The following EDIL3 variants were observed in gnomAD, a reference collection of about 807,000 sequenced individuals.
EDIL3 encodes the protein EGF-like repeat and discoidin I-like domain-containing protein 3.
Under a neutral mutation model 67.4 loss-of-function variants are expected in EDIL3, and 37 were observed. That is an observed-to-expected ratio of 0.55 (90% confidence interval 0.42 to 0.72). The LOEUF is 0.72. Ranked by LOEUF, EDIL3 falls within the 30% of genes least tolerant of loss-of-function variation. EDIL3 has a pLI of 0.00. For synonymous variants in EDIL3, 195 were observed against 196.3 expected, an observed-to-expected ratio of 0.99 and a Z score of 0.05; for missense variants, 527 against 586.3, an observed-to-expected ratio of 0.90 and a Z score of 1.04.
chr5:84,093,384 A>G (rs190330349), intron 6 of EDIL3, among the ~76,000 whole-genome samples: 2 of 152,276 alleles, frequency 1.3e-5, no homozygotes, highest in Non-Finnish European at 2.9e-5. Context: ...TGATTTTGAT[A>G]TATAGTTGAC....
intron 9 of EDIL3, among the ~76,000 whole-genome samples, chr5:84,022,129 C>A (rs925000512): frequency 5.9e-5 from 9 of 151,584 alleles, no homozygotes; most frequent in African/African-American, 2.2e-4. Flanking sequence ...ACTATAGGCC[C>A]AAATTCATGA....
intron 9 of EDIL3, chr5:84,048,203 C>G: frequency 2.4e-6 from 1 of 423,854 alleles, no homozygotes; most frequent in Non-Finnish European, 4.6e-6. Context: ...TCAGAATAAT[C>G]CTTCATATTG....
chr5:84,299,326 A>G (rs1746110150), intron 1 of EDIL3, among the ~76,000 whole-genome samples: 1 of 145,754 alleles, frequency 6.9e-6, no homozygotes, highest in Admixed American at 6.9e-5. Flanking sequence ...CTCTTTTAGG[A>G]CTCTCAGCAT....
At chr5:84,095,458 T>C (rs1189607764) in intron 6 of EDIL3, among the ~76,000 whole-genome samples, 1 of 152,172 alleles carries the variant, frequency 6.6e-6, no homozygotes. Context: ...GCTGAGGTGG[T>C]CTCAGATGGA....
chr5:84,171,117 C>A (rs1241891116), intron 4 of EDIL3, among the ~76,000 whole-genome samples: 1 of 151,818 alleles, frequency 6.6e-6, no homozygotes, highest in African/African-American at 2.4e-5. Flanking sequence ...GAAGTTCAGG[C>A]CTATTAATAT....
At chr5:84,313,834 A>G (rs1746456481) in intron 1 of EDIL3, among the ~76,000 whole-genome samples, 1 of 152,212 alleles carries the variant, frequency 6.6e-6, no homozygotes, top group African/African-American at 2.4e-5. Flanking sequence ...GAAGAGATCC[A>G]CATACTAAAG....
intron 1 of EDIL3, among the ~76,000 whole-genome samples, chr5:84,351,753 A>C (rs1747365516): frequency 6.6e-6 from 1 of 152,138 alleles, no homozygotes. Flanking sequence ...ATTTAGTAAA[A>C]TTTATGGAAA....
At chr5:84,359,175 A>C (rs1014111840) in intron 1 of EDIL3, among the ~76,000 whole-genome samples, 1 of 152,218 alleles carries the variant, frequency 6.6e-6, no homozygotes, top group African/African-American at 2.4e-5. Flanking sequence ...AATGTTTTAA[A>C]TGAACCATTT....
chr5:84,050,899 C>G (rs996059774), intron 9 of EDIL3, among the ~76,000 whole-genome samples: 1 of 152,122 alleles, frequency 6.6e-6, no homozygotes, highest in Non-Finnish European at 1.5e-5. Context: ...AGGGCATAGC[C>G]GAACAAAAGG....
chr5:84,356,509 T>C (rs1452786988), intron 1 of EDIL3, among the ~76,000 whole-genome samples: 1 of 152,236 alleles, frequency 6.6e-6, no homozygotes, highest in African/African-American at 2.4e-5. Flanking sequence ...ACGATCACTC[T>C]GACTCTTCTT....
intron 1 of EDIL3, among the ~76,000 whole-genome samples, chr5:84,284,432 G>T (rs967356283): frequency 6.6e-6 from 1 of 151,894 alleles, no homozygotes; most frequent in African/African-American, 2.4e-5. Flanking sequence ...GGTCCCCTGT[G>T]CCTCCAGACC....
At position 84,076,664 on chromosome 5, in the gene EDIL3, T is replaced by C. The variant is rs998630186; in HGVS notation, c.652-10058A>G. Among the ~76,000 whole-genome samples the C allele has an allele frequency of 3.9e-5, 6 of 152,336 alleles. No individual in the cohort carries two copies. The South Asian group carries it at 6.2e-4, about 16-fold the overall frequency. The stretch of plus-strand genomic sequence containing the variant: ...TTATTGGAATGTATGAAACTCACAT[T>C]GATAGTTACAAGTTTTCCAAAATTA... On this transcript the variant is annotated intron_variant, in intron 6 of 10. Transcript: ENST00000296591.
Position 84,208,721 on chromosome 5 carries a change from AAC to A in EDIL3, c.226+21132_226+21133del, listed in dbSNP as rs1262530082. ...AAAAAAAAAAAAAAAAAAGTCAGGA[AAC>A]AACAGGTGCTAGAGAGGATGTGGAG... On this transcript the variant is annotated intron_variant, in intron 3 of 10. Transcript: ENST00000296591. 4.3e-4 allele frequency among the ~76,000 whole-genome samples: 65 copies of A among 150,460 alleles called. 2 individuals are homozygous for A. The East Asian group carries it at 0.012, about 28-fold the overall frequency.
At chr5:84,052,257 G>C (rs1259073694) in intron 9 of EDIL3, among the ~76,000 whole-genome samples, 2 of 152,200 alleles carry the variant, frequency 1.3e-5, no homozygotes, top group African/African-American at 4.8e-5. Context: ...ACAAGCAAAT[G>C]CTGAGAGATT....
intron 9 of EDIL3, among the ~76,000 whole-genome samples, chr5:84,009,820 C>T (rs1168282424): frequency 6.6e-6 from 1 of 152,122 alleles, no homozygotes; most frequent in East Asian, 1.9e-4. Context: ...GAACTTTCCA[C>T]AGACCAGGCA....
At chr5:84,364,171 G>T (rs1346772523) in intron 1 of EDIL3, among the ~76,000 whole-genome samples, 1 of 152,128 alleles carries the variant, frequency 6.6e-6, no homozygotes, top group Non-Finnish European at 1.5e-5. Context: ...GACAATGTAA[G>T]GCAGTTTTCA....
chr5:84,300,525 T>A (rs1392083502), intron 1 of EDIL3, among the ~76,000 whole-genome samples: 1 of 152,212 alleles, frequency 6.6e-6, no homozygotes, highest in African/African-American at 2.4e-5. Flanking sequence ...ATCTTATCTA[T>A]AAAAATGTTT....
chr5:84,295,504 T>C (rs1313619591), intron 1 of EDIL3, among the ~76,000 whole-genome samples: 1 of 152,084 alleles, frequency 6.6e-6, no homozygotes, highest in East Asian at 1.9e-4. Flanking sequence ...ATTTTTTGAA[T>C]ATTCAACAAG....
intron 5 of EDIL3, among the ~76,000 whole-genome samples, chr5:84,119,212 GTTTTTTTTTT>G (rs66522256): frequency 1.1e-4 from 9 of 82,330 alleles, no homozygotes; most frequent in East Asian, 3.9e-4. Flanking sequence ...CATGCATTTG[GTTTTTTTTTT>G]TTTTTTTTTT....
Sources: allele counts gnomAD v4.1 joint callset (sites outside exome capture counted in the v4.1 genomes callset), GRCh38; gene constraint gnomAD v4.1.1; transcripts MANE v1.5; gene names NCBI Gene and HGNC (gene_info 2026-07-23, HGNC 2026-07-21).